The following ANXA8 variants were observed in gnomAD, a reference collection of about 807,000 sequenced individuals.
ANXA8 encodes annexin A8, also known as VAC-beta.
Under a neutral mutation model 26.8 loss-of-function variants are expected in ANXA8, and 9 were observed. The observed-to-expected ratio is 0.34, with a 90% CI of 0.20 to 0.59. The LOEUF (loss-of-function observed/expected upper bound fraction) is 0.59, where lower values mean the gene tolerates loss of function less well. ANXA8 is among the 20% of genes least tolerant of loss of function. The pLI, the probability that ANXA8 is intolerant of heterozygous loss-of-function variation, is 0.84. For missense variants in ANXA8, 83 were observed against 238.5 expected (o/e 0.35, Z 4.29); for synonymous variants, 39 against 94.8 (o/e 0.41, Z 3.42).
chr10:47,682,504 C>T, the ANXA8 span, among the ~76,000 whole-genome samples: 1 of 141,450 alleles, frequency 7.1e-6, no homozygotes, highest in African/African-American at 2.7e-5. Context: ...GAGTCTCGCT[C>T]TGTCGCCCAG....
chr10:47,562,379 C>G, the ANXA8 span, among the ~76,000 whole-genome samples: 1 of 123,434 alleles, frequency 8.1e-6, no homozygotes, highest in Non-Finnish European at 1.7e-5. Context: ...CCTGTGACTC[C>G]CAGTGGAAAT....
chr10:47,665,535 G>A, the ANXA8 span, among the ~76,000 whole-genome samples: 1 of 150,554 alleles, frequency 6.6e-6, no homozygotes, highest in Non-Finnish European at 1.5e-5. Flanking sequence ...TTCCTTAAAT[G>A]AATATTTTAA....
At chr10:47,743,329 C>CATATATATATACATATATATATACACAT in the ANXA8 span, among the ~76,000 whole-genome samples, 8 of 47,776 alleles carry the variant, frequency 1.7e-4, no homozygotes, top group East Asian at 6.6e-4. Flanking sequence ...TATATATATA[C>CATATATATATACATATATATATACACAT]ATATATATAT....
At chr10:47,627,240 T>C in the ANXA8 span, among the ~76,000 whole-genome samples, 1 of 150,130 alleles carries the variant, frequency 6.7e-6, no homozygotes, top group Non-Finnish European at 1.5e-5. Context: ...AAATGTCTTA[T>C]ATGTAGCACT....
the ANXA8 span, chr10:47,491,675 C>G: frequency 1.3e-6 from 2 of 1,533,554 alleles, no homozygotes; most frequent in Non-Finnish European, 1.8e-6. Flanking sequence ...CTCCCAGCAT[C>G]GTGTGGCAGC....
chr10:47,509,044 T>C, the ANXA8 span, among the ~76,000 whole-genome samples: 467 of 134,050 alleles, frequency 3.5e-3, 2 homozygotes, highest in Non-Finnish European at 4.7e-3. Context: ...ACCAAATGAT[T>C]ATTTCTCAAA....
the ANXA8 span, among the ~76,000 whole-genome samples, chr10:47,622,098 T>C: frequency 2.7e-5 from 3 of 112,284 alleles, no homozygotes; most frequent in Non-Finnish European, 5.8e-5. Flanking sequence ...AAGAAAAAGT[T>C]TGCTTCACAT....
At chr10:47,747,125 T>G in the ANXA8 span, among the ~76,000 whole-genome samples, 1 of 148,408 alleles carries the variant, frequency 6.7e-6, no homozygotes, top group Non-Finnish European at 1.5e-5. Context: ...GTGAACTACT[T>G]TTCCCTTCAG....
intron 1 of ANXA8, among the ~76,000 whole-genome samples, chr10:47,483,435 A>G (rs1288365838): frequency 7.4e-6 from 1 of 134,358 alleles, no homozygotes; most frequent in African/African-American, 3.2e-5. Flanking sequence ...CTCCGGTACC[A>G]GGACCCTTGA....
At chr10:47,553,555 G>C in the ANXA8 span, 4 of 162,356 alleles carry the variant, frequency 2.5e-5, no homozygotes, top group African/African-American at 9.7e-5. Flanking sequence ...CGACTCGCCG[G>C]AGGGAAACAA....
the ANXA8 span, among the ~76,000 whole-genome samples, chr10:47,493,398 G>A: frequency 1.3e-5 from 2 of 149,214 alleles, no homozygotes; most frequent in South Asian, 2.1e-4. Context: ...CATGGCTGGT[G>A]GGAATTGTTC....
chr10:47,723,720 C>T, the ANXA8 span, among the ~76,000 whole-genome samples: 7 of 132,228 alleles, frequency 5.3e-5, no homozygotes, highest in Admixed American at 2.4e-4. Flanking sequence ...CAGCTGTTTT[C>T]GTATTTGTAC....
At chr10:47,747,211 A>T in the ANXA8 span, among the ~76,000 whole-genome samples, 1 of 151,974 alleles carries the variant, frequency 6.6e-6, no homozygotes, top group Admixed American at 6.6e-5. Context: ...AAGGCAGCAG[A>T]GTCTTCAGCT....
At chr10:47,946,194 G>C in the ANXA8 span, among the ~76,000 whole-genome samples, 5 of 148,114 alleles carry the variant, frequency 3.4e-5, no homozygotes, top group Non-Finnish European at 7.4e-5. Flanking sequence ...TTAATTATTT[G>C]AATGCTATCC....
the ANXA8 span, among the ~76,000 whole-genome samples, chr10:47,902,887 C>T: frequency 6.6e-6 from 1 of 152,024 alleles, no homozygotes; most frequent in Non-Finnish European, 1.5e-5. Context: ...TTTGACAATG[C>T]TTCTCATGTA....
chr10:47,565,226 C>T, the ANXA8 span: 1 of 605,276 alleles, frequency 1.7e-6, no homozygotes, highest in Non-Finnish European at 2.9e-6. Flanking sequence ...TCCCCCCAGC[C>T]CTGCGGCCGG....
chr10:47,939,063 T>C, the ANXA8 span, among the ~76,000 whole-genome samples: 2 of 145,182 alleles, frequency 1.4e-5, no homozygotes, highest in Non-Finnish European at 3.0e-5. Flanking sequence ...CACTCTCACT[T>C]TCTCTTTGCT....
chr10:47,485,329 C>T (rs1840015326), upstream of ANXA8, among the ~76,000 whole-genome samples: 1 of 151,910 alleles, frequency 6.6e-6, no homozygotes, highest in Admixed American at 6.6e-5. Context: ...AGAGGAACTG[C>T]CATCCAAAGA....
the ANXA8 span, among the ~76,000 whole-genome samples, chr10:47,526,816 A>G: frequency 7.0e-6 from 1 of 143,390 alleles, no homozygotes; most frequent in African/African-American, 2.5e-5. Flanking sequence ...AAGTGGAGGA[A>G]AAAGTCTGTG....
Sources: gnomAD v4.1 joint callset for allele counts (sites outside exome capture counted in the v4.1 genomes callset) on GRCh38, gnomAD v4.1.1 for gene constraint, MANE v1.5 for transcripts, NCBI Gene and HGNC (gene_info 2026-07-23, HGNC 2026-07-21) for gene names.